LUZP2: variants seen among roughly 807,000 people sequenced by gnomAD.
LUZP2 encodes the protein leucine zipper protein 2.
Under a neutral mutation model 51.6 loss-of-function variants are expected in LUZP2, and 52 were observed. That is an observed-to-expected ratio of 1.01 (90% confidence interval 0.81 to 1.27). LUZP2 has a LOEUF of 1.27. Among genes scored for constraint, LUZP2 ranks in the 50% most tolerant of loss-of-function variants. The pLI is 0.00. For missense variants in LUZP2, 436 were observed against 395.4 expected, an observed-to-expected ratio of 1.10 and a Z score of -0.87; for synonymous variants, 154 against 137.3, an observed-to-expected ratio of 1.12 and a Z score of -0.85.
At chr11:24,587,202 T>G (rs1165335741) in intron 1 of LUZP2, among the ~76,000 whole-genome samples, 1 of 152,148 alleles carries the variant, frequency 6.6e-6, no homozygotes, top group African/African-American at 2.4e-5. Context: ...TATTTTATCA[T>G]AGCTTTGTCG....
At chr11:24,583,698 A>T (rs930576309) in intron 1 of LUZP2, among the ~76,000 whole-genome samples, 2 of 149,766 alleles carry the variant, frequency 1.3e-5, no homozygotes, top group Non-Finnish European at 3.0e-5. Flanking sequence ...AAGTCGATGT[A>T]TACCTTACTT....
At chr11:24,946,631 T>C (rs1218782055) in intron 7 of LUZP2, among the ~76,000 whole-genome samples, 1 of 151,732 alleles carries the variant, frequency 6.6e-6, no homozygotes, top group Non-Finnish European at 1.5e-5. Flanking sequence ...CCCCAACCCT[T>C]CTTTTTTTTC....
chr11:24,819,983 T>C (rs1850307596), intron 5 of LUZP2, among the ~76,000 whole-genome samples: 1 of 152,138 alleles, frequency 6.6e-6, no homozygotes, highest in Non-Finnish European at 1.5e-5. Context: ...AGAGGAAAGC[T>C]ATATGAAGGA....
rs77098393 is a variant in LUZP2 at position 24,526,343 on chromosome 11, A to C, written c.62+29038A>C. ...ATCTAACTAAAACCTAATTCATTCAAATTTTATTCAGTTGTGATTCATTGA... is the reference window on the plus strand; with the variant it reads ...ATCTAACTAAAACCTAATTCATTCACATTTTATTCAGTTGTGATTCATTGA... On this transcript the variant is annotated intron_variant, in intron 1 of 11. Transcript: ENST00000336930. 8.3e-3 allele frequency among the ~76,000 whole-genome samples: 1,259 copies of C among 151,316 alleles called. 10 individuals are homozygous for C. The highest frequency in any genetic ancestry group is 0.029 in the African/African-American group (1,191 of 41,430).
At chr11:24,983,040 T>C in intron 8 of LUZP2, 86 bp from the exon 9 acceptor site, 17 of 1,317,646 alleles carry the variant, frequency 1.3e-5, no homozygotes, top group Non-Finnish European at 1.8e-5. Context: ...TTGTGGGGAG[T>C]ATAGGCTAAG....
At chr11:24,857,496 T>C (rs947208257) in intron 5 of LUZP2, among the ~76,000 whole-genome samples, 2 of 151,708 alleles carry the variant, frequency 1.3e-5, no homozygotes, top group African/African-American at 4.8e-5. Flanking sequence ...TTTTAGTCTC[T>C]TTAACCCAAA....
intron 5 of LUZP2, among the ~76,000 whole-genome samples, chr11:24,884,778 C>G (rs1852616883): frequency 6.6e-6 from 1 of 152,020 alleles, no homozygotes; most frequent in Non-Finnish European, 1.5e-5. Flanking sequence ...ATAGGTGCTT[C>G]TCCAGAGACT....
chr11:24,809,577 C>A (rs1447788980), intron 5 of LUZP2, among the ~76,000 whole-genome samples: 1 of 152,024 alleles, frequency 6.6e-6, no homozygotes, highest in African/African-American at 2.4e-5. Context: ...ATAGCCAAGC[C>A]TTAAGGTATT....
At chr11:24,777,001 T>TC (rs1381946030) in intron 5 of LUZP2, among the ~76,000 whole-genome samples, 2 of 151,332 alleles carry the variant, frequency 1.3e-5, no homozygotes, top group Non-Finnish European at 3.0e-5. Flanking sequence ...GTAGTTTTTT[T>TC]TTTTTTTTTT....
intron 9 of LUZP2, among the ~76,000 whole-genome samples, chr11:24,993,962 G>A (rs1308713880): frequency 1.3e-5 from 2 of 152,174 alleles, no homozygotes; most frequent in South Asian, 4.1e-4. Flanking sequence ...CGGGGTTCAA[G>A]TGATTCTCCT....
intron 5 of LUZP2, 27 bp from the exon 6 acceptor site, chr11:24,905,964 G>A (rs754147977): frequency 6.5e-7 from 1 of 1,527,648 alleles, no homozygotes; most frequent in Non-Finnish European, 9.1e-7. Flanking sequence ...TCTCTTCTTT[G>A]CAATAAAACT....
intron 7 of LUZP2, among the ~76,000 whole-genome samples, chr11:24,921,189 C>A (rs941067068): frequency 6.6e-6 from 1 of 151,968 alleles, no homozygotes. Context: ...AAGAAAACAG[C>A]TCCCCCATAC....
At chr11:24,888,692 T>C (rs1565059103) in intron 5 of LUZP2, among the ~76,000 whole-genome samples, 1 of 152,014 alleles carries the variant, frequency 6.6e-6, no homozygotes, top group Non-Finnish European at 1.5e-5. Flanking sequence ...AGGCTTTGTG[T>C]CCCCCCACAA....
rs553700103 is a variant in LUZP2, at chr11:24,737,647, A to C, written c.252-574A>C. 3.3e-5 allele frequency among the ~76,000 whole-genome samples: 5 copies of C among 152,264 alleles called. No individual in the cohort carries two copies. The South Asian group carries it at 1.0e-3, about 32-fold the overall frequency. ...TTATGTGCTACTGAGCTTGAGACACAATGAGTATATATGCATAGGCATGCA... is the reference window on the plus strand; with the variant it reads ...TTATGTGCTACTGAGCTTGAGACACCATGAGTATATATGCATAGGCATGCA... On this transcript the variant is annotated intron_variant, in intron 3 of 11. Transcript: ENST00000336930.
At chr11:25,078,466 C>T in intron 11 of LUZP2, 88 bp from the exon 12 acceptor site, 3 of 957,456 alleles carry the variant, frequency 3.1e-6, no homozygotes, top group South Asian at 1.5e-5. Flanking sequence ...CTTTGAATTT[C>T]CATTCTTATT....
At chr11:24,954,420 A>G (rs80354922) in intron 7 of LUZP2, among the ~76,000 whole-genome samples, 2,551 of 152,168 alleles carry the variant, frequency 0.017, 38 homozygotes, top group South Asian at 0.085. Context: ...AGTTTGATCC[A>G]TAATGGCAGA....
At chr11:24,708,073 G>GAGGGTGGAGCAGGTGATTGGAATGT (rs1202312803) in intron 1 of LUZP2, among the ~76,000 whole-genome samples, 3 of 152,168 alleles carry the variant, frequency 2.0e-5, no homozygotes, top group Non-Finnish European at 4.4e-5. Context: ...TAATTGGAAT[G>GAGGGTGGAGCAGGTGATTGGAATGT]AGGGTGGAGC....
At chr11:24,749,593 A>C (rs1859503150) in intron 4 of LUZP2, among the ~76,000 whole-genome samples, 1 of 152,148 alleles carries the variant, frequency 6.6e-6, no homozygotes, top group Non-Finnish European at 1.5e-5. Context: ...AGAAGGTAGG[A>C]TAAGCTGGTT....
intron 10 of LUZP2, among the ~76,000 whole-genome samples, 158 bp downstream of exon 10, chr11:25,050,288 G>GTTTT (rs1554960883): frequency 3.0e-5 from 2 of 66,414 alleles, no homozygotes. Context: ...TGTTCTTTAT[G>GTTTT]TTCTTTTTTT....
Sources: gnomAD v4.1 joint callset for allele counts (sites outside exome capture counted in the v4.1 genomes callset) on GRCh38, gnomAD v4.1.1 for gene constraint, MANE v1.5 for transcripts, NCBI Gene and HGNC (gene_info 2026-07-23, HGNC 2026-07-21) for gene names.